STRBP: variants seen among roughly 807,000 people sequenced by gnomAD.
STRBP encodes the protein spermatid perinuclear RNA binding protein.
Under a neutral mutation model 80.1 loss-of-function variants are expected in STRBP, and 13 were observed. The observed-to-expected ratio is 0.16, with a 90% CI of 0.11 to 0.26. The LOEUF (loss-of-function observed/expected upper bound fraction) is 0.26. Ranked by LOEUF, STRBP falls within the 10% of genes least tolerant of loss-of-function variation. STRBP has a pLI of 1.00. For synonymous variants in STRBP, 284 were observed against 291.2 expected (o/e 0.98, Z 0.25); for missense variants, 485 against 815.2 (o/e 0.59, Z 4.93).
rs1015127702 is a variant in STRBP, at chr9:123,178,873, T to C, written c.224+134A>G. 5.9e-6 allele frequency: 4 copies of C among 681,290 alleles called. No homozygotes were observed. The Admixed American group carries it at 8.1e-5, about 14-fold the overall frequency. 42.2% of individuals were successfully genotyped at this position (681,290 alleles called of 1,614,324 possible). A position where few individuals can be genotyped will look rare whatever the true frequency, so the allele number is the denominator to read the frequency against. ...ACTCAGAAAATCTCCATGTAACATT[T>C]ACTTCCTTGGTTATAGTCTCACATA... is the stretch of plus-strand genomic sequence containing the variant. On this transcript the variant is annotated intron_variant, in intron 4 of 18. Transcript: ENST00000348403.
intron 6 of STRBP, among the ~76,000 whole-genome samples, chr9:123,162,786 T>C (rs2037577833): frequency 6.6e-6 from 1 of 152,258 alleles, no homozygotes; most frequent in Non-Finnish European, 1.5e-5. Context: ...ATTACTCTGA[T>C]TTATAAATAT....
intron 7 of STRBP, 65 bp downstream of exon 7, chr9:123,160,912 G>T: frequency 7.7e-7 from 1 of 1,306,594 alleles, no homozygotes; most frequent in South Asian, 1.4e-5. Context: ...CCAATTAAGT[G>T]GCAGGTGTTC....
chr9:123,147,606 A>G (rs1046886526), intron 12 of STRBP, among the ~76,000 whole-genome samples, 172 bp downstream of exon 12: 2 of 139,756 alleles, frequency 1.4e-5, no homozygotes, highest in African/African-American at 2.6e-5. Context: ...TGAGCCCAGG[A>G]GGTGGAGACT....
intron 1 of STRBP, among the ~76,000 whole-genome samples, chr9:123,266,621 C>T (rs911748884): frequency 1.3e-5 from 2 of 151,982 alleles, no homozygotes; most frequent in Non-Finnish European, 2.9e-5. Context: ...CTTGGATCTT[C>T]CATACTCTCT....
intron 6 of STRBP, among the ~76,000 whole-genome samples, chr9:123,163,614 C>G (rs1355659101): frequency 1.3e-5 from 2 of 152,220 alleles, no homozygotes; most frequent in East Asian, 3.9e-4. Flanking sequence ...TTATCTTTTT[C>G]AAAGTTCTTA....
chr9:123,253,378 A>C (rs906702383), intron 1 of STRBP, among the ~76,000 whole-genome samples: 4 of 152,220 alleles, frequency 2.6e-5, no homozygotes, highest in African/African-American at 9.6e-5. Context: ...CACCAACAGG[A>C]CTAACAAACT....
chr9:123,238,562 C>T (rs536516125), intron 1 of STRBP, among the ~76,000 whole-genome samples: 1 of 152,344 alleles, frequency 6.6e-6, no homozygotes, highest in Non-Finnish European at 1.5e-5. Context: ...GTACATTGTA[C>T]TAGGGCACCC....
rs2132288175 is a variant in STRBP, at chr9:123,123,101, C to G, written c.*2496G>C. 1 of 985,382 alleles carries G rather than the reference C, an allele frequency of 1.0e-6. No homozygotes were observed. Among genetic ancestry groups the G allele is most frequent in the Admixed American group, 6.1e-5 (1 of 16,280 alleles). 61.0% of individuals were successfully genotyped at this position (985,382 alleles called of 1,614,324 possible). A position where few individuals can be genotyped will look rare whatever the true frequency, so the allele number is the denominator to read the frequency against. On this transcript the variant is annotated 3_prime_UTR_variant, in exon 19 of 19. Coordinates refer to ENST00000348403, the MANE Select transcript of STRBP (RefSeq NM_018387.5). ...AAGACATAGAAATTGCCATTTCAAG[C>G]CAGACAACCTGATGGTTCTAGAAGT...
intron 2 of STRBP, among the ~76,000 whole-genome samples, chr9:123,222,587 A>C (rs1157044421): frequency 6.6e-6 from 1 of 152,194 alleles, no homozygotes; most frequent in Admixed American, 6.5e-5. Flanking sequence ...TTAAAAAGAT[A>C]ATCAAGGAGT....
intron 13 of STRBP, among the ~76,000 whole-genome samples, chr9:123,142,011 C>G (rs1245768440): frequency 6.6e-6 from 1 of 152,194 alleles, no homozygotes; most frequent in Non-Finnish European, 1.5e-5. Context: ...CATGTTGTAG[C>G]AAGAATCCTG....
In STRBP at chr9:123,122,381, C is replaced by T; in HGVS notation, c.*3216G>A. The T allele has an allele frequency of 1.4e-5, 18 of 1,274,050 alleles. No individual in the cohort carries two copies. The highest frequency in any genetic ancestry group is 2.2e-4 in the Middle Eastern group (1 of 4,540). 78.9% of individuals were successfully genotyped at this position (1,274,050 alleles called of 1,614,324 possible). ...TTTAAAAATACATTAACGAGGTATTCCCAGCTCTTCAATTAATAATGGTGG... is the reference window on the plus strand; with the variant it reads ...TTTAAAAATACATTAACGAGGTATTTCCAGCTCTTCAATTAATAATGGTGG... On this transcript the variant is annotated 3_prime_UTR_variant, in exon 19 of 19. Transcript: ENST00000348403.
chr9:123,233,769 G>A (rs2040463189), intron 2 of STRBP, among the ~76,000 whole-genome samples: 1 of 152,148 alleles, frequency 6.6e-6, no homozygotes, highest in Non-Finnish European at 1.5e-5. Flanking sequence ...TCATTTCACT[G>A]CCCTCTGCCA....
At chr9:123,235,759 T>C (rs1424122638) in intron 2 of STRBP, among the ~76,000 whole-genome samples, 2 of 152,176 alleles carry the variant, frequency 1.3e-5, no homozygotes, top group South Asian at 4.1e-4. Flanking sequence ...ATTGAAGTCA[T>C]GTTATTTCTA....
chr9:123,129,405 T>TG (rs2036037695), intron 17 of STRBP, among the ~76,000 whole-genome samples: 1 of 152,060 alleles, frequency 6.6e-6, no homozygotes, highest in Admixed American at 6.5e-5. Flanking sequence ...ATGAAAAAAA[T>TG]TTCTAAAGTA....
At chr9:123,117,422 G>C (rs777878327), downstream of STRBP, among the ~76,000 whole-genome samples, 1 of 152,186 alleles carries the variant, frequency 6.6e-6, no homozygotes, top group Non-Finnish European at 1.5e-5. Flanking sequence ...AGTGGTTACA[G>C]CAGCAGAAGA....
intron 1 of STRBP, among the ~76,000 whole-genome samples, chr9:123,244,785 A>G (rs921053308): frequency 6.6e-6 from 1 of 152,220 alleles, no homozygotes; most frequent in Admixed American, 6.5e-5. Context: ...CACATAACCC[A>G]GCAATTGTAC....
intron 3 of STRBP, among the ~76,000 whole-genome samples, chr9:123,182,217 T>TAAAAAAAAAAAA (rs10546358): frequency 2.9e-5 from 2 of 69,766 alleles, no homozygotes; most frequent in Non-Finnish European, 7.1e-5. Context: ...TCCGTTTCTT[T>TAAAAAAAAAAAA]AAAAAAAAAA....
chr9:123,134,372 G>A (rs1588459296), intron 16 of STRBP, among the ~76,000 whole-genome samples: 1 of 152,268 alleles, frequency 6.6e-6, no homozygotes, highest in East Asian at 1.9e-4. Flanking sequence ...TTCTTTCCAG[G>A]ATAACCTCTA....
chr9:123,233,816 C>T (rs2040464151), intron 2 of STRBP, among the ~76,000 whole-genome samples: 1 of 152,154 alleles, frequency 6.6e-6, no homozygotes, highest in Admixed American at 6.5e-5. Context: ...TAATAGGTGA[C>T]TCTCCTTTCA....
Sources: gnomAD v4.1 joint callset for allele counts (sites outside exome capture counted in the v4.1 genomes callset) on GRCh38, gnomAD v4.1.1 for gene constraint, MANE v1.5 for transcripts, NCBI Gene and HGNC (gene_info 2026-07-23, HGNC 2026-07-21) for gene names.